Variants in EBF1 observed in about 807,000 individuals in gnomAD.
EBF1 encodes the protein transcription factor COE1.
Under a neutral mutation model 68.4 loss-of-function variants are expected in EBF1, and 10 were observed. That is an observed-to-expected ratio of 0.15 (90% CI 0.09 to 0.25). The LOEUF is 0.25. Among genes scored for constraint, EBF1 ranks in the 10% least tolerant of loss-of-function variants. EBF1 has a pLI of 1.00. For synonymous variants in EBF1, 298 were observed against 299.8 expected (o/e 0.99, Z 0.06); for missense variants, 509 against 794.4 (o/e 0.64, Z 4.32).
intron 6 of EBF1, among the ~76,000 whole-genome samples, chr5:158,952,182 C>T (rs1170200172): frequency 6.6e-6 from 1 of 151,956 alleles, no homozygotes; most frequent in Non-Finnish European, 1.5e-5. Flanking sequence ...GAGCTCCTTA[C>T]AGTAAATAGG....
At chr5:158,785,115 G>T (rs904206629) in intron 9 of EBF1, among the ~76,000 whole-genome samples, 1 of 152,028 alleles carries the variant, frequency 6.6e-6, no homozygotes, top group African/African-American at 2.4e-5. Context: ...ATAGGCAGGG[G>T]GTACTGAGTG....
chr5:158,937,115 G>C (rs963481307), intron 6 of EBF1, among the ~76,000 whole-genome samples: 3 of 152,014 alleles, frequency 2.0e-5, no homozygotes, highest in African/African-American at 7.2e-5. Context: ...ATGAAGTACA[G>C]GTGCATGAAT....
chr5:158,713,230 C>T (rs1261560311), intron 12 of EBF1, 83 bp from the exon 13 acceptor site: 3 of 1,222,312 alleles, frequency 2.5e-6, no homozygotes, highest in African/African-American at 1.6e-5. Flanking sequence ...AGGTACCGTG[C>T]TCAGGGTTTT....
chr5:158,942,754 G>C lies in EBF1; in HGVS notation c.555-102644C>G, dbSNP rs564596038. Among the ~76,000 whole-genome samples, 5 of 151,906 alleles carry C rather than the reference G, an allele frequency of 3.3e-5. No homozygotes were observed. The East Asian group carries it at 9.7e-4, about 30-fold the overall frequency. ...CTGGAATAGAGTGGCCATCTAGAAA[G>C]GCTCTACAATGACCCAGGGTTGGCG... On this transcript the variant is annotated intron_variant, in intron 6 of 15. Coordinates refer to ENST00000313708, the MANE Select transcript of EBF1 (RefSeq NM_024007.5).
chr5:158,781,099 T>C (rs900817582), intron 9 of EBF1, among the ~76,000 whole-genome samples: 1 of 152,200 alleles, frequency 6.6e-6, no homozygotes, highest in Admixed American at 6.5e-5. Context: ...TTGCAAAGTG[T>C]CTGATGGTTT....
At chr5:158,885,917 C>G (rs767187241) in intron 6 of EBF1, among the ~76,000 whole-genome samples, 3 of 152,164 alleles carry the variant, frequency 2.0e-5, no homozygotes, top group Non-Finnish European at 4.4e-5. Context: ...TGCAAAGTAC[C>G]TGTTGAAATT....
chr5:158,800,087 G>A (rs953615573), intron 8 of EBF1, among the ~76,000 whole-genome samples: 6 of 152,082 alleles, frequency 3.9e-5, no homozygotes, highest in African/African-American at 1.4e-4. Context: ...AGATGTCTAG[G>A]TGCTCCCAGT....
chr5:158,860,923 GGA>G (rs2128030247), intron 6 of EBF1, among the ~76,000 whole-genome samples: 1 of 152,240 alleles, frequency 6.6e-6, no homozygotes, highest in South Asian at 2.1e-4. Context: ...AGTATCACAG[GGA>G]GCAGGACACA....
chr5:158,818,313 GA>G (rs1162175620), intron 8 of EBF1, among the ~76,000 whole-genome samples: 1 of 152,174 alleles, frequency 6.6e-6, no homozygotes, highest in Non-Finnish European at 1.5e-5. Flanking sequence ...CCAAACAAAT[GA>G]AAAACACATT....
intron 15 of EBF1, among the ~76,000 whole-genome samples, chr5:158,704,714 G>A (rs1395467249): frequency 6.6e-6 from 1 of 151,202 alleles, no homozygotes; most frequent in East Asian, 1.9e-4. Flanking sequence ...GAAAACTTTT[G>A]TGGCTCAAGC....
chr5:159,092,083 T>C (rs1385919324), intron 4 of EBF1, among the ~76,000 whole-genome samples: 2 of 152,178 alleles, frequency 1.3e-5, no homozygotes, highest in African/African-American at 4.8e-5. Context: ...CAGAATGTAA[T>C]CATATTTCAA....
chr5:158,891,118 A>C lies in EBF1; in HGVS notation c.555-51008T>G, dbSNP rs78852537. Among the ~76,000 whole-genome samples the C allele has an allele frequency of 6.8e-3, 1,031 of 152,322 alleles. 14 individuals are homozygous for C. The highest frequency in any genetic ancestry group is 0.023 in the African/African-American group (976 of 41,566). ...TGAAGTTCACGATTTCCCACGGTAC[A>C]TAATTTAGTTTTGTGTGTGTTTGTT... On this transcript the variant is annotated intron_variant, in intron 6 of 15. Coordinates refer to ENST00000313708, the MANE Select transcript of EBF1 (RefSeq NM_024007.5).
At chr5:158,988,429 C>T (rs1199766487) in intron 6 of EBF1, among the ~76,000 whole-genome samples, 1 of 152,202 alleles carries the variant, frequency 6.6e-6, no homozygotes, top group East Asian at 1.9e-4. Flanking sequence ...AGCGACTACA[C>T]CACAGCCCCA....
intron 8 of EBF1, among the ~76,000 whole-genome samples, chr5:158,801,359 T>C (rs533479093): frequency 6.6e-6 from 1 of 152,116 alleles, no homozygotes; most frequent in Non-Finnish European, 1.5e-5. Flanking sequence ...GCCCTGCCTG[T>C]TTGAGGGCTT....
intron 4 of EBF1, among the ~76,000 whole-genome samples, chr5:159,093,521 C>T (rs1782022632): frequency 6.6e-6 from 1 of 152,116 alleles, no homozygotes; most frequent in Non-Finnish European, 1.5e-5. Flanking sequence ...TTCTCTCTCT[C>T]TTCCTCCCTC....
intron 6 of EBF1, among the ~76,000 whole-genome samples, chr5:158,951,987 A>G (rs574135144): frequency 6.6e-6 from 1 of 152,302 alleles, no homozygotes; most frequent in African/African-American, 2.4e-5. Context: ...AAACAAATGA[A>G]GTCGACTACC....
At chr5:159,040,172 A>G (rs1393677578) in intron 6 of EBF1, among the ~76,000 whole-genome samples, 2 of 152,108 alleles carry the variant, frequency 1.3e-5, no homozygotes, top group South Asian at 4.1e-4. Context: ...TGGCCAGTAA[A>G]CCTAAGGAAA....
At chr5:158,921,933 A>T (rs906912575) in intron 6 of EBF1, among the ~76,000 whole-genome samples, 2 of 152,194 alleles carry the variant, frequency 1.3e-5, no homozygotes, top group African/African-American at 4.8e-5. Flanking sequence ...GCATCAAAAG[A>T]TGATTCCCTT....
chr5:158,944,815 A>G (rs1328019189), intron 6 of EBF1, among the ~76,000 whole-genome samples: 1 of 152,206 alleles, frequency 6.6e-6, no homozygotes, highest in East Asian at 1.9e-4. Context: ...TTCTCTAATG[A>G]CCAGCGATGA....
Sources: allele counts gnomAD v4.1 joint callset (sites outside exome capture counted in the v4.1 genomes callset), GRCh38; gene constraint gnomAD v4.1.1; transcripts MANE v1.5; gene names NCBI Gene and HGNC (gene_info 2026-07-23, HGNC 2026-07-21).